Variants in OSBP observed in about 807,000 individuals in gnomAD.
OSBP encodes oxysterol-binding protein 1.
In OSBP, 32 loss-of-function variants were observed where a neutral mutation model predicts 96.6. The ratio of observed to expected loss-of-function variants is 0.33; its 90% confidence interval spans 0.25 to 0.45. The LOEUF (loss-of-function observed/expected upper bound fraction) is 0.45. OSBP is among the 20% of genes least tolerant of loss of function. The pLI is 1.00. For synonymous variants in OSBP, 369 were observed against 389.6 expected (o/e 0.95, Z 0.62); for missense variants, 653 against 1,029.7 (o/e 0.63, Z 5.01).
At chr11:59,580,093 A>G in intron 11 of OSBP, 81 bp downstream of exon 11, 1 of 902,144 alleles carries the variant, frequency 1.1e-6, no homozygotes, top group Non-Finnish European at 1.9e-6. Flanking sequence ...CCCCACATGT[A>G]TATACATTCC....
intron 2 of OSBP, among the ~76,000 whole-genome samples, chr11:59,609,485 G>GAAAAAAAAAA (rs1031021294): frequency 2.0e-5 from 2 of 98,304 alleles, no homozygotes; most frequent in Non-Finnish European, 2.2e-5. Flanking sequence ...CTAAAAGCAA[G>GAAAAAAAAAA]AAAAAAAAAA....
intron 12 of OSBP, among the ~76,000 whole-genome samples, chr11:59,577,488 T>A (rs979273651): frequency 6.6e-6 from 1 of 152,298 alleles, no homozygotes; most frequent in Non-Finnish European, 1.5e-5. Flanking sequence ...GGCTTTTTTT[T>A]CTTTTTCTTA....
At chr11:59,601,095 T>C (rs1860718109) in intron 5 of OSBP, among the ~76,000 whole-genome samples, 188 bp downstream of exon 5, 1 of 128,258 alleles carries the variant, frequency 7.8e-6, no homozygotes, top group African/African-American at 2.9e-5. Flanking sequence ...AAGGGCCCAT[T>C]CTACAAAGAG....
intron 11 of OSBP, among the ~76,000 whole-genome samples, chr11:59,578,932 A>G (rs1299077989): frequency 2.0e-5 from 3 of 152,182 alleles, no homozygotes; most frequent in Non-Finnish European, 4.4e-5. Context: ...CAAACAATTC[A>G]ATTATACTCT....
rs757963109 is a variant in OSBP at position 59,576,693 on chromosome 11, G to A, written c.2308C>T (p.Leu770=). Residue 770 remains leucine, a synonymous_variant, in exon 14 of 14, where the codon CTG becomes TTG. Coordinates refer to ENST00000263847, the MANE Select transcript of OSBP (RefSeq NM_002556.3). ...DGTPYDPYKA[L]WFERKKDPVT... ...GGGTCCTTCTTCCGCTCAAACCACAGTGCCTTATAGGGATCATATGGTGTG... is the reference window on the plus strand; with the variant it reads ...GGGTCCTTCTTCCGCTCAAACCACAATGCCTTATAGGGATCATATGGTGTG... 3 of 1,613,864 alleles carry A rather than the reference G, an allele frequency of 1.9e-6. No homozygotes were observed. The highest frequency in any genetic ancestry group is 2.5e-6 in the Non-Finnish European group (3 of 1,179,982).
intron 9 of OSBP, among the ~76,000 whole-genome samples, chr11:59,585,256 G>A (rs369630167): frequency 1.2e-4 from 18 of 148,558 alleles, no homozygotes; most frequent in Middle Eastern, 3.7e-3. Flanking sequence ...GCCGCCCATC[G>A]TCTGAGATGT....
intron 9 of OSBP, among the ~76,000 whole-genome samples, chr11:59,589,112 G>T (rs1484133711): frequency 6.7e-6 from 1 of 149,582 alleles, no homozygotes; most frequent in East Asian, 2.0e-4. Context: ...GATAATATAT[G>T]CAAAATGCTG....
At chr11:59,599,529 A>G (rs577151567) in intron 7 of OSBP, among the ~76,000 whole-genome samples, 77 of 152,308 alleles carry the variant, frequency 5.1e-4, no homozygotes, top group African/African-American at 1.8e-3. Context: ...GGCAAATAGT[A>G]GGCACCCAGA....
At chr11:59,581,649 A>G (rs1860422590) in intron 9 of OSBP, 95 bp from the exon 10 acceptor site, 3 of 570,046 alleles carry the variant, frequency 5.3e-6, no homozygotes, top group Admixed American at 5.1e-5. Context: ...CCTTCTATTG[A>G]TATTTATTAC....
chr11:59,604,968 A>T (rs1860763847), intron 3 of OSBP, among the ~76,000 whole-genome samples: 1 of 151,814 alleles, frequency 6.6e-6, no homozygotes, highest in African/African-American at 2.4e-5. Context: ...CCTGGCCAAG[A>T]TGGTGAAACC....
At chr11:59,588,323 C>G (rs519535) in intron 9 of OSBP, among the ~76,000 whole-genome samples, 7,095 of 151,508 alleles carry the variant, frequency 0.047, 363 homozygotes, top group Admixed American at 0.13. Flanking sequence ...CACTTGAGGT[C>G]AGGAGTTCAA....
chr11:59,588,156 C>A (rs1860524514), intron 9 of OSBP, among the ~76,000 whole-genome samples: 2 of 152,158 alleles, frequency 1.3e-5, no homozygotes, highest in Admixed American at 6.5e-5. Flanking sequence ...CTATATGATT[C>A]CACTTATAGG....
chr11:59,610,875 C>T (rs1321229659), intron 1 of OSBP, among the ~76,000 whole-genome samples: 3 of 151,186 alleles, frequency 2.0e-5, no homozygotes, highest in African/African-American at 4.9e-5. Context: ...GCCGGGCACC[C>T]GTAATCCCAG....
intron 7 of OSBP, 51 bp from the exon 8 acceptor site, chr11:59,594,306 A>G (rs778585768): frequency 1.3e-6 from 2 of 1,574,854 alleles, no homozygotes; most frequent in Admixed American, 1.8e-5. Flanking sequence ...TCTATAAGAG[A>G]CAGTTTAATT....
chr11:59,596,074 CAG>C (rs1860650954), intron 7 of OSBP, among the ~76,000 whole-genome samples: 1 of 151,966 alleles, frequency 6.6e-6, no homozygotes. Context: ...CCAGTGAACA[CAG>C]AGCCACAGAG....
chr11:59,582,897 T>C (rs1439724826), intron 9 of OSBP, among the ~76,000 whole-genome samples: 1 of 152,224 alleles, frequency 6.6e-6, no homozygotes, highest in East Asian at 1.9e-4. Flanking sequence ...GCTTGAAACA[T>C]ATAGCTGACT....
At chr11:59,576,783 G>A in intron 13 of OSBP, 22 bp downstream of exon 13, 1 of 1,613,070 alleles carries the variant, frequency 6.2e-7, no homozygotes, top group Non-Finnish European at 8.5e-7. Flanking sequence ...CAAGAAAGAA[G>A]AGTAGAAGGG....
chr11:59,608,786 T>C (rs1860812654), intron 2 of OSBP, 52 bp from the exon 3 acceptor site: 4 of 1,578,526 alleles, frequency 2.5e-6, no homozygotes, highest in Non-Finnish European at 3.5e-6. Flanking sequence ...GAGTGACAGT[T>C]GGAACCCTAC....
intron 5 of OSBP, among the ~76,000 whole-genome samples, 167 bp from the exon 6 acceptor site, chr11:59,601,040 T>C (rs1231170720): frequency 1.3e-5 from 2 of 151,510 alleles, no homozygotes; most frequent in African/African-American, 2.4e-5. Context: ...CTCTGGAGAA[T>C]TTGTTTACGT....
Sources: gnomAD v4.1 joint callset for allele counts (sites outside exome capture counted in the v4.1 genomes callset) on GRCh38, gnomAD v4.1.1 for gene constraint, MANE v1.5 for transcripts, NCBI Gene and HGNC (gene_info 2026-07-23, HGNC 2026-07-21) for gene names.